The following FHIP1A variants were observed in gnomAD, a reference collection of about 807,000 sequenced individuals.
FHIP1A encodes FHF complex subunit HOOK-interacting protein 1A.
In FHIP1A, 61 loss-of-function variants were observed where a neutral mutation model predicts 88.6. The observed-to-expected ratio is 0.69, with a 90% CI of 0.56 to 0.85. The LOEUF (loss-of-function observed/expected upper bound fraction) is 0.85. Ranked by LOEUF, FHIP1A falls within the 40% of genes least tolerant of loss-of-function variation. The pLI is 0.00. For synonymous variants in FHIP1A, 478 were observed against 496.0 expected (o/e 0.96, Z 0.48); for missense variants, 1,154 against 1,273.5 (o/e 0.91, Z 1.43).
intron 7 of FHIP1A, among the ~76,000 whole-genome samples, chr4:151,604,501 A>G (rs1734993395): frequency 6.6e-6 from 1 of 152,190 alleles, no homozygotes; most frequent in Non-Finnish European, 1.5e-5. Context: ...AATAATTTGC[A>G]GTTTTGGCAT....
At chr4:151,605,290 A>G (rs1735029452) in intron 7 of FHIP1A, among the ~76,000 whole-genome samples, 2 of 152,192 alleles carry the variant, frequency 1.3e-5, no homozygotes, top group East Asian at 3.9e-4. Flanking sequence ...ATTGTTACCA[A>G]ATTATGGCAA....
intron 3 of FHIP1A, 100 bp from the exon 4 acceptor site, chr4:151,566,038 G>A: frequency 2.8e-6 from 1 of 357,382 alleles, no homozygotes; most frequent in Admixed American, 4.6e-5. Context: ...TTCTGTGTTG[G>A]ACTTTGAGAA....
chr4:151,662,944 T>A lies in FHIP1A; in HGVS notation c.*190T>A. On this transcript the variant is annotated 3_prime_UTR_variant, in exon 14 of 14. Coordinates refer to ENST00000435205, the MANE Select transcript of FHIP1A (RefSeq NM_001109977.3). ...CCGGGCCTTTCCACCTTATGTTATA[T>A]ATAGAATGTAAGTCTCATAAGCTGG... 1.9e-6 allele frequency: 1 copy of A among 532,824 alleles called. No homozygotes were observed. Among genetic ancestry groups the A allele is most frequent in the Non-Finnish European group, 3.1e-6 (1 of 320,364 alleles). The allele number at this position is 532,824 out of a possible 1,614,324, so 33.0% of individuals were successfully genotyped here. A position where few individuals can be genotyped will look rare whatever the true frequency, so the allele number is the denominator to read the frequency against.
chr4:151,433,262 G>A (rs1733663429), intron 1 of FHIP1A, among the ~76,000 whole-genome samples: 1 of 151,506 alleles, frequency 6.6e-6, no homozygotes, highest in African/African-American at 2.4e-5. Context: ...GGAGGCTACT[G>A]TGAAGGCCCG....
chr4:151,636,467 C>G (rs536701572), intron 8 of FHIP1A, among the ~76,000 whole-genome samples: 7 of 152,014 alleles, frequency 4.6e-5, no homozygotes, highest in African/African-American at 1.7e-4. Flanking sequence ...GTAAAATAAT[C>G]AGTATTTGTA....
chr4:151,626,726 T>G (rs1735966298), intron 7 of FHIP1A, among the ~76,000 whole-genome samples: 1 of 152,236 alleles, frequency 6.6e-6, no homozygotes, highest in Admixed American at 6.5e-5. Flanking sequence ...ACAAATTAAA[T>G]AAATATTGAT....
At chr4:151,511,456 C>T (rs112278670) in intron 3 of FHIP1A, among the ~76,000 whole-genome samples, 49 of 152,280 alleles carry the variant, frequency 3.2e-4, no homozygotes, top group African/African-American at 7.9e-4. Context: ...TGCAGCGCAC[C>T]GTGCGCGAGC....
chr4:151,594,015 T>C (rs937947862), intron 7 of FHIP1A, among the ~76,000 whole-genome samples: 3 of 152,242 alleles, frequency 2.0e-5, no homozygotes, highest in African/African-American at 7.2e-5. Flanking sequence ...TCTATTGAGA[T>C]AATCATGTGG....
At chr4:151,625,356 C>T (rs1388868060) in intron 7 of FHIP1A, among the ~76,000 whole-genome samples, 1 of 152,126 alleles carries the variant, frequency 6.6e-6, no homozygotes, top group African/African-American at 2.4e-5. Flanking sequence ...CCACTGCCTG[C>T]CACCTGCCTG....
intron 1 of FHIP1A, among the ~76,000 whole-genome samples, chr4:151,432,741 A>G (rs1414763287): frequency 2.6e-5 from 4 of 152,218 alleles, no homozygotes; most frequent in Admixed American, 2.6e-4. Flanking sequence ...ATGACTAGGC[A>G]CTGTGCTGAC....
chr4:151,537,232 C>G (rs1732103294), intron 3 of FHIP1A, among the ~76,000 whole-genome samples: 1 of 151,966 alleles, frequency 6.6e-6, no homozygotes, highest in Non-Finnish European at 1.5e-5. Flanking sequence ...CCACTTTAAA[C>G]TCTTACCAGC....
chr4:151,527,209 G>A (rs1258851307), intron 3 of FHIP1A, among the ~76,000 whole-genome samples: 7 of 152,198 alleles, frequency 4.6e-5, no homozygotes, highest in South Asian at 4.1e-4. Context: ...CCGAGATCAC[G>A]CCACTGCACT....
chr4:151,600,247 G>C (rs1350541812), intron 7 of FHIP1A, among the ~76,000 whole-genome samples: 2 of 152,190 alleles, frequency 1.3e-5, no homozygotes, highest in African/African-American at 4.8e-5. Context: ...TGGCCCACTG[G>C]CTCTTGAAGC....
intron 1 of FHIP1A, among the ~76,000 whole-genome samples, chr4:151,431,608 G>A (rs1194671499): frequency 6.6e-6 from 1 of 152,148 alleles, no homozygotes; most frequent in Admixed American, 6.5e-5. Flanking sequence ...TCTTAGGTAT[G>A]AGGGCAGTAA....
chr4:151,519,175 A>G (rs1295140728), intron 3 of FHIP1A, among the ~76,000 whole-genome samples: 2 of 152,218 alleles, frequency 1.3e-5, no homozygotes, highest in Non-Finnish European at 2.9e-5. Context: ...AAAGTCTGTC[A>G]TAATATAGAT....
Position 151,552,826 on chromosome 4 carries a change from A to T in FHIP1A, c.-122-13312A>T, listed in dbSNP as rs543808240. ...GTACCCTAGAACTTAAAGTATAATT[A>T]AAAAAAAAAAAAGAAAAAACAAAAG... is the stretch of plus-strand genomic sequence containing the variant. On this transcript the variant is annotated intron_variant, in intron 3 of 13. Transcript: ENST00000435205. Among the ~76,000 whole-genome samples the T allele has an allele frequency of 4.6e-5, 3 of 65,812 alleles. No homozygotes were observed. The South Asian group carries it at 1.3e-3, about 30-fold the overall frequency. The allele number at this position is 65,812 out of a possible 152,430, so 43.2% of individuals were successfully genotyped here.
At chr4:151,523,795 T>C (rs190877973) in intron 3 of FHIP1A, among the ~76,000 whole-genome samples, 18 of 152,300 alleles carry the variant, frequency 1.2e-4, no homozygotes, top group South Asian at 6.2e-4. Context: ...TTAATATATG[T>C]TTCTTCCAAT....
intron 1 of FHIP1A, among the ~76,000 whole-genome samples, chr4:151,435,357 A>G (rs1728123714): frequency 6.6e-6 from 1 of 152,220 alleles, no homozygotes; most frequent in South Asian, 2.1e-4. Flanking sequence ...CTGAGTGAGA[A>G]CATGTGGTAT....
intron 3 of FHIP1A, among the ~76,000 whole-genome samples, chr4:151,513,948 C>T (rs868641388): frequency 2.7e-4 from 41 of 150,004 alleles, no homozygotes; most frequent in Admixed American, 4.7e-4. Flanking sequence ...CTGCACCAAG[C>T]GGACCTAATA....
Sources: allele counts gnomAD v4.1 joint callset (sites outside exome capture counted in the v4.1 genomes callset), GRCh38; gene constraint gnomAD v4.1.1; transcripts MANE v1.5; gene names NCBI Gene and HGNC (gene_info 2026-07-23, HGNC 2026-07-21).